HSD17B12: variants seen among roughly 807,000 people sequenced by gnomAD.
HSD17B12 encodes hydroxysteroid 17-beta dehydrogenase 12, also known as very-long-chain 3-oxoacyl-CoA reductase.
In HSD17B12, 32 loss-of-function variants were observed where a neutral mutation model predicts 39.3. The observed-to-expected ratio is 0.81, with a 90% CI of 0.61 to 1.09. The LOEUF is 1.09. Ranked by LOEUF, HSD17B12 falls within the 50% of genes least tolerant of loss-of-function variation. The pLI is 0.00. For missense variants in HSD17B12, 342 were observed against 382.9 expected, an observed-to-expected ratio of 0.89 and a Z score of 0.89; for synonymous variants, 150 against 146.7, an observed-to-expected ratio of 1.02 and a Z score of -0.16.
chr11:43,776,053 A>C (rs1950700100), intron 3 of HSD17B12, among the ~76,000 whole-genome samples: 6 of 152,284 alleles, frequency 3.9e-5, no homozygotes, highest in African/African-American at 1.2e-4. Flanking sequence ...GTGAATAATG[A>C]CACAATAAAC....
chr11:43,690,404 A>T (rs4540827), intron 1 of HSD17B12, among the ~76,000 whole-genome samples: 18,101 of 24,868 alleles, frequency 0.73, 6,479 homozygotes, highest in East Asian at 0.81. Flanking sequence ...ATATATATAT[A>T]TTTTTTTTTT....
At chr11:43,766,945 G>A (rs1950600903) in intron 3 of HSD17B12, among the ~76,000 whole-genome samples, 1 of 152,156 alleles carries the variant, frequency 6.6e-6, no homozygotes. Flanking sequence ...TGTAATATGG[G>A]TGGATATTTT....
At chr11:43,716,950 C>G (rs968582917) in intron 1 of HSD17B12, among the ~76,000 whole-genome samples, 2 of 151,726 alleles carry the variant, frequency 1.3e-5, no homozygotes, top group African/African-American at 4.8e-5. Context: ...ATAGAAGGTA[C>G]CTGAATATTC....
chr11:43,582,273 A>AAGCAGCAGC, the HSD17B12 span, among the ~76,000 whole-genome samples: 1 of 152,114 alleles, frequency 6.6e-6, no homozygotes, highest in South Asian at 2.1e-4. Context: ...GCAGGAACAG[A>AAGCAGCAGC]AGCAGCAGCA....
the HSD17B12 span, among the ~76,000 whole-genome samples, chr11:43,640,674 T>C: frequency 8.7e-3 from 1,328 of 152,130 alleles, 17 homozygotes; most frequent in African/African-American, 0.031. Flanking sequence ...ATTATTTAAA[T>C]ATATTGAAAG....
chr11:43,570,202 A>G, the HSD17B12 span: 1 of 152,572 alleles, frequency 6.6e-6, no homozygotes, highest in Non-Finnish European at 1.5e-5. Context: ...TGTAATTGAA[A>G]CCACATGGAA....
At chr11:43,673,659 TTTTGTTTG>T in the HSD17B12 span, among the ~76,000 whole-genome samples, 104,639 of 148,712 alleles carry the variant, frequency 0.7, 37,494 homozygotes, top group East Asian at 0.97. Flanking sequence ...GCCCAGCTAG[TTTTGTTTG>T]TTTGTTTGTT....
At chr11:43,734,408 G>C (rs1950297817) in intron 1 of HSD17B12, 1 of 785,764 alleles carries the variant, frequency 1.3e-6, no homozygotes, top group African/African-American at 1.7e-5. Context: ...TGACTCTAAG[G>C]CAGCCGAGCT....
At chr11:43,736,578 A>T (rs1344431614) in intron 1 of HSD17B12, among the ~76,000 whole-genome samples, 1 of 152,198 alleles carries the variant, frequency 6.6e-6, no homozygotes, top group East Asian at 1.9e-4. Flanking sequence ...TCCTCATACC[A>T]TGGGATTGTG....
rs10838177 is a variant in HSD17B12 at position 43,810,404 on chromosome 11, A to T, written c.392-5033A>T. On this transcript the variant is annotated intron_variant, in intron 4 of 10. Transcript: ENST00000278353. ...ATATATATATATATATATATATATA[A>T]AATTCAGAATTATTCCGTGGATTTT... Among the ~76,000 whole-genome samples the T allele has an allele frequency of 4.8e-3, 239 of 49,978 alleles. 1 individual carries two copies. Among genetic ancestry groups the T allele is most frequent in the Middle Eastern group, 0.02 (1 of 50 alleles). 32.8% of individuals were successfully genotyped at this position (49,978 alleles called of 152,430 possible).
intron 4 of HSD17B12, among the ~76,000 whole-genome samples, chr11:43,809,256 G>A (rs1349073586): frequency 6.6e-6 from 1 of 152,188 alleles, no homozygotes; most frequent in Non-Finnish European, 1.5e-5. Flanking sequence ...AAGATTTTAT[G>A]TATATGATCT....
intron 1 of HSD17B12, among the ~76,000 whole-genome samples, chr11:43,700,927 G>A (rs1358268631): frequency 2.0e-5 from 3 of 152,138 alleles, no homozygotes; most frequent in African/African-American, 7.2e-5. Context: ...CTCCATAGTG[G>A]TTGTACTAAT....
In HSD17B12 at chr11:43,816,385, T is replaced by C; in HGVS notation, c.495T>C (p.Val165=). 6.5e-7 allele frequency: 1 copy of C among 1,527,524 alleles called. No individual in the cohort carries two copies. The highest frequency in any genetic ancestry group is 1.4e-5 in the African/African-American group (1 of 71,420). The allele number at this position is 1,527,524 out of a possible 1,614,324, so 94.6% of individuals were successfully genotyped here. A position where few individuals can be genotyped will look rare whatever the true frequency, so the allele number is the denominator to read the frequency against. The change falls in exon 6 of 11, where the codon GTT becomes GTC. Residue 165 remains valine (V), a synonymous_variant. Coordinates refer to ENST00000278353, the MANE Select transcript of HSD17B12 (RefSeq NM_016142.3). ...TGATAAATATTAATATTCTTTCTGT[T>C]TGTAAGGTAAGCATCCTTGTTATAA... The part of the protein sequence containing the change: ...KKMININILS[V]CKMTQLVLPG...
intron 3 of HSD17B12, among the ~76,000 whole-genome samples, chr11:43,757,669 AAAT>A (rs1950522813): frequency 7.0e-6 from 1 of 142,782 alleles, no homozygotes; most frequent in Non-Finnish European, 1.5e-5. Flanking sequence ...AAAAAAAAAC[AAAT>A]AGGTAAAAAA....
intron 6 of HSD17B12, among the ~76,000 whole-genome samples, chr11:43,820,304 T>C (rs1951169266): frequency 6.6e-6 from 1 of 152,170 alleles, no homozygotes; most frequent in African/African-American, 2.4e-5. Context: ...AATAGGTATT[T>C]TATGATGCAT....
chr11:43,639,380 G>T, the HSD17B12 span, among the ~76,000 whole-genome samples: 1 of 152,102 alleles, frequency 6.6e-6, no homozygotes, highest in East Asian at 1.9e-4. Flanking sequence ...TTGCCTTTTG[G>T]TTCTGCTTCC....
intron 3 of HSD17B12, among the ~76,000 whole-genome samples, chr11:43,782,433 C>T (rs1362472564): frequency 6.6e-6 from 1 of 152,132 alleles, no homozygotes; most frequent in African/African-American, 2.4e-5. Context: ...GTAATCCCAA[C>T]ACTTTGAGAG....
Position 43,829,136 on chromosome 11 carries a change from A to G in HSD17B12, c.502-1840A>G, listed in dbSNP as rs189082999. Among the ~76,000 whole-genome samples the G allele has an allele frequency of 3.3e-4, 50 of 152,352 alleles. 1 individual carries two copies. The highest frequency in any genetic ancestry group is 1.9e-4 in the Non-Finnish European group (13 of 68,036). ...GACAGAGAATTTAGAGTCAGAATGT[A>G]AAAGGAGGAGCTCATGAGCTATGAG... On this transcript the variant is annotated intron_variant, in intron 6 of 10. Transcript: ENST00000278353.
intron 3 of HSD17B12, among the ~76,000 whole-genome samples, chr11:43,783,974 C>A (rs1176389178): frequency 6.6e-6 from 1 of 152,150 alleles, no homozygotes; most frequent in Non-Finnish European, 1.5e-5. Context: ...TTTACAAAAT[C>A]TCTTTAATAT....
Sources: gnomAD v4.1 joint callset for allele counts (sites outside exome capture counted in the v4.1 genomes callset) on GRCh38, gnomAD v4.1.1 for gene constraint, MANE v1.5 for transcripts, NCBI Gene and HGNC (gene_info 2026-07-23, HGNC 2026-07-21) for gene names.